The following EYA1 variants were observed in gnomAD, a reference collection of about 807,000 sequenced individuals.
EYA1 encodes protein phosphatase EYA1.
A neutral mutation model predicts 82.0 loss-of-function variants in EYA1; 16 were observed. The observed-to-expected ratio is 0.20, with a 90% CI of 0.13 to 0.30. EYA1 has a LOEUF of 0.30. Ranked by LOEUF, EYA1 falls within the 10% of genes least tolerant of loss-of-function variation. The probability of loss-of-function intolerance (pLI) is 1.00; values close to 1 mark genes in which losing one functional copy is unlikely to be tolerated. For synonymous variants in EYA1, 261 were observed against 264.4 expected (o/e 0.99, Z 0.12); for missense variants, 633 against 730.7 (o/e 0.87, Z 1.54).
chr8:71,287,206 C>A (rs192571844), intron 9 of EYA1, among the ~76,000 whole-genome samples: 1 of 152,024 alleles, frequency 6.6e-6, no homozygotes, highest in Admixed American at 6.6e-5. Flanking sequence ...ATTACCTTAG[C>A]AGAATAAAAG....
At position 71,415,642 on chromosome 8, in the gene EYA1, C is replaced by A. The variant is rs560770703; in HGVS notation, c.34-59131G>T. ...GAGCCTTCCTCTTATCAAAGTTCTACCTGGCCTGGTGTGCATTCAGGGTGA... is the reference window on the plus strand; with the variant it reads ...GAGCCTTCCTCTTATCAAAGTTCTAACTGGCCTGGTGTGCATTCAGGGTGA... On this transcript the variant is annotated intron_variant, in intron 2 of 18. Coordinates refer to the EYA1 transcript ENST00000643681. 2.6e-5 allele frequency among the ~76,000 whole-genome samples: 4 copies of A among 152,320 alleles called. No individual in the cohort carries two copies. In the East Asian group the frequency reaches 7.7e-4, roughly 29 times the overall value.
intron 2 of EYA1, among the ~76,000 whole-genome samples, chr8:71,440,299 G>T (rs773954521): frequency 6.6e-6 from 1 of 152,128 alleles, no homozygotes; most frequent in Non-Finnish European, 1.5e-5. Flanking sequence ...TTGTGATAGG[G>T]GCATGACATG....
intron 2 of EYA1, among the ~76,000 whole-genome samples, chr8:71,482,744 C>G (rs1372255706): frequency 6.6e-6 from 1 of 152,162 alleles, no homozygotes; most frequent in Non-Finnish European, 1.5e-5. Context: ...ACAAAACTCA[C>G]AGGCCCAAAG....
chr8:71,412,439 T>G (rs1295430854), intron 2 of EYA1, among the ~76,000 whole-genome samples: 1 of 150,230 alleles, frequency 6.7e-6, no homozygotes, highest in Non-Finnish European at 1.5e-5. Flanking sequence ...AAAAAAGAAA[T>G]TGTTGTTCAT....
At chr8:71,327,626 C>T (rs189623314) in intron 4 of EYA1, among the ~76,000 whole-genome samples, 214 of 152,232 alleles carry the variant, frequency 1.4e-3, no homozygotes, top group African/African-American at 4.7e-3. Flanking sequence ...GAAAACCAGC[C>T]TCCCCTTTCT....
At chr8:71,258,539 C>T (rs1200125775) in intron 11 of EYA1, among the ~76,000 whole-genome samples, 1 of 152,210 alleles carries the variant, frequency 6.6e-6, no homozygotes, top group Admixed American at 6.5e-5. Context: ...GTAGTCCTAA[C>T]ATGGAGACCA....
At chr8:71,312,716 G>C (rs1195152501) in intron 7 of EYA1, among the ~76,000 whole-genome samples, 1 of 152,222 alleles carries the variant, frequency 6.6e-6, no homozygotes, top group Non-Finnish European at 1.5e-5. Flanking sequence ...GGGATTACAG[G>C]CGTGAGCCAT....
chr8:71,536,372 C>T (rs1034097028), intron 1 of EYA1, among the ~76,000 whole-genome samples: 5 of 152,186 alleles, frequency 3.3e-5, no homozygotes, highest in African/African-American at 1.2e-4. Flanking sequence ...AGCAAGTTTA[C>T]ATTAGGTCAC....
At chr8:71,338,797 C>T (rs758533928) in intron 3 of EYA1, among the ~76,000 whole-genome samples, 14 of 152,220 alleles carry the variant, frequency 9.2e-5, no homozygotes, top group African/African-American at 1.2e-4. Flanking sequence ...CACGCTGCAA[C>T]GCGCAGGGAA....
chr8:71,252,931 G>A (rs1170193189), intron 11 of EYA1, among the ~76,000 whole-genome samples: 5 of 152,094 alleles, frequency 3.3e-5, no homozygotes, highest in Non-Finnish European at 7.4e-5. Flanking sequence ...ATGACTGGGG[G>A]GAATAGGTCT....
At chr8:71,405,041 T>G (rs754289218) in intron 2 of EYA1, 1 of 151,652 alleles carries the variant, frequency 6.6e-6, no homozygotes, top group Non-Finnish European at 1.5e-5. Flanking sequence ...AAGTCTACTC[T>G]AGGATACCTG....
intron 2 of EYA1, among the ~76,000 whole-genome samples, chr8:71,486,386 T>C (rs1810573763): frequency 6.6e-6 from 1 of 152,176 alleles, no homozygotes. Context: ...AAGCATTCGT[T>C]TCCCCTCATG....
chr8:71,199,138 A>G lies in EYA1; in HGVS notation c.*202T>C. ...CATGGCTTATTTTCACTGGATTCAC[A>G]GTACTAGAGTCAACAGCTGTTCTGA... On this transcript the variant is annotated 3_prime_UTR_variant, in exon 18 of 18. Transcript: ENST00000340726. 3.2e-6 allele frequency: 2 copies of G among 629,152 alleles called. No homozygotes were observed. Among genetic ancestry groups the G allele is most frequent in the Non-Finnish European group, 5.8e-6 (2 of 346,288 alleles). 39.0% of individuals were successfully genotyped at this position (629,152 alleles called of 1,614,324 possible).
At chr8:71,395,382 G>T (rs1238665648) in intron 2 of EYA1, among the ~76,000 whole-genome samples, 2 of 152,178 alleles carry the variant, frequency 1.3e-5, no homozygotes, top group Non-Finnish European at 2.9e-5. Context: ...TTTTCAAAGG[G>T]AATGCTTCCA....
intron 2 of EYA1, among the ~76,000 whole-genome samples, chr8:71,493,618 A>G (rs1811178823): frequency 6.6e-6 from 1 of 152,180 alleles, no homozygotes; most frequent in Admixed American, 6.5e-5. Flanking sequence ...CCATTAGAGA[A>G]GGAAAGAATT....
At chr8:71,257,360 T>G (rs1197041733) in intron 11 of EYA1, among the ~76,000 whole-genome samples, 1 of 152,162 alleles carries the variant, frequency 6.6e-6, no homozygotes, top group African/African-American at 2.4e-5. Flanking sequence ...CAAGTTTCTA[T>G]AATGAAAAGT....
At chr8:71,274,911 CGAGA>C (rs1031237098) in intron 9 of EYA1, among the ~76,000 whole-genome samples, 29 of 101,812 alleles carry the variant, frequency 2.8e-4, no homozygotes, top group South Asian at 1.8e-3. Context: ...AGTGAGCGAG[CGAGA>C]GAGAGAGAAT....
At chr8:71,402,988 A>G (rs1830035678) in intron 2 of EYA1, among the ~76,000 whole-genome samples, 1 of 152,222 alleles carries the variant, frequency 6.6e-6, no homozygotes, top group Non-Finnish European at 1.5e-5. Flanking sequence ...TATTAAAAAG[A>G]AAACTAGGAT....
intron 11 of EYA1, among the ~76,000 whole-genome samples, chr8:71,249,691 A>G (rs1048569763): frequency 5.3e-5 from 8 of 152,122 alleles, no homozygotes; most frequent in Non-Finnish European, 1.2e-4. Flanking sequence ...TGTTCAGATC[A>G]CCTTGTGGAC....
Sources: gnomAD v4.1 joint callset for allele counts (sites outside exome capture counted in the v4.1 genomes callset) on GRCh38, gnomAD v4.1.1 for gene constraint, MANE v1.5 for transcripts, NCBI Gene and HGNC (gene_info 2026-07-23, HGNC 2026-07-21) for gene names.